NEGR1: variants seen among roughly 807,000 people sequenced by gnomAD.
NEGR1 encodes IgLON family member 4.
A neutral mutation model predicts 40.9 loss-of-function variants in NEGR1; 10 were observed. That is an observed-to-expected ratio of 0.24 (90% CI 0.15 to 0.42). The LOEUF (loss-of-function observed/expected upper bound fraction) is 0.42, where lower values mean the gene tolerates loss of function less well. Among genes scored for constraint, NEGR1 ranks in the 10% least tolerant of loss-of-function variants. The pLI, the probability that NEGR1 is intolerant of heterozygous loss-of-function variation, is 1.00. For missense variants in NEGR1, 352 were observed against 438.9 expected, an observed-to-expected ratio of 0.80 and a Z score of 1.77; for synonymous variants, 185 against 166.8, an observed-to-expected ratio of 1.11 and a Z score of -0.84.
chr1:71,735,281 C>G (rs2101669177), intron 3 of NEGR1, among the ~76,000 whole-genome samples: 1 of 152,212 alleles, frequency 6.6e-6, no homozygotes, highest in Non-Finnish European at 1.5e-5. Flanking sequence ...AATTTTATCA[C>G]TATCCCAAAC....
chr1:71,697,167 A>G (rs1391016724), intron 4 of NEGR1, among the ~76,000 whole-genome samples: 1 of 151,880 alleles, frequency 6.6e-6, no homozygotes, highest in African/African-American at 2.4e-5. Flanking sequence ...CCACGTGCAC[A>G]TTATTAGCAA....
At chr1:72,213,310 T>C (rs934784258) in intron 1 of NEGR1, among the ~76,000 whole-genome samples, 5 of 151,996 alleles carry the variant, frequency 3.3e-5, no homozygotes, top group African/African-American at 1.2e-4. Context: ...TGTAAAACTT[T>C]TGCAAAATGG....
chr1:71,984,576 C>A (rs775865391), intron 1 of NEGR1, among the ~76,000 whole-genome samples: 1 of 152,008 alleles, frequency 6.6e-6, no homozygotes, highest in South Asian at 2.1e-4. Context: ...AATTTTGGGG[C>A]CTTTGGCAAA....
chr1:71,960,776 T>G (rs1214994652), intron 1 of NEGR1, among the ~76,000 whole-genome samples: 1 of 152,180 alleles, frequency 6.6e-6, no homozygotes, highest in African/African-American at 2.4e-5. Context: ...AAATCTAATT[T>G]TGGTTAATTT....
At chr1:72,099,967 C>T (rs1327674989) in intron 1 of NEGR1, among the ~76,000 whole-genome samples, 3 of 151,680 alleles carry the variant, frequency 2.0e-5, no homozygotes, top group Non-Finnish European at 4.4e-5. Flanking sequence ...TTATATTTAA[C>T]CATTGCATGA....
chr1:71,997,621 T>A (rs1646516506), intron 1 of NEGR1, among the ~76,000 whole-genome samples: 1 of 151,954 alleles, frequency 6.6e-6, no homozygotes, highest in South Asian at 2.1e-4. Context: ...ATTTTTTGTG[T>A]CTCCCTGAGA....
At chr1:71,974,022 G>T (rs146514600) in intron 1 of NEGR1, among the ~76,000 whole-genome samples, 129 of 152,118 alleles carry the variant, frequency 8.5e-4, no homozygotes, top group African/African-American at 3.0e-3. Context: ...GAGGAATTCA[G>T]CTCTTTACAG....
At chr1:72,086,451 A>G (rs1041977239) in intron 1 of NEGR1, among the ~76,000 whole-genome samples, 13 of 152,238 alleles carry the variant, frequency 8.5e-5, no homozygotes, top group Non-Finnish European at 1.6e-4. Flanking sequence ...AGAACAAAAG[A>G]AAAAGGTAAA....
At chr1:71,974,028 T>C (rs946429226) in intron 1 of NEGR1, among the ~76,000 whole-genome samples, 3 of 152,212 alleles carry the variant, frequency 2.0e-5, no homozygotes, top group African/African-American at 7.2e-5. Context: ...TTCAGCTCTT[T>C]ACAGAATTCA....
intron 1 of NEGR1, among the ~76,000 whole-genome samples, chr1:72,127,088 C>T (rs1650049186): frequency 6.6e-6 from 1 of 152,084 alleles, no homozygotes; most frequent in Non-Finnish European, 1.5e-5. Context: ...AGGAAAATTG[C>T]CCCACAACAG....
intron 1 of NEGR1, among the ~76,000 whole-genome samples, chr1:72,009,164 T>C (rs1007792263): frequency 6.6e-6 from 1 of 152,090 alleles, no homozygotes; most frequent in Non-Finnish European, 1.5e-5. Flanking sequence ...TTTTATATGA[T>C]ATCATCATGT....
At chr1:72,091,552 T>A (rs1328226024) in intron 1 of NEGR1, among the ~76,000 whole-genome samples, 1 of 151,856 alleles carries the variant, frequency 6.6e-6, no homozygotes, top group Non-Finnish European at 1.5e-5. Context: ...AATGAATACA[T>A]ACTTATCCAT....
intron 1 of NEGR1, among the ~76,000 whole-genome samples, chr1:72,017,188 C>T (rs1297319414): frequency 2.7e-5 from 4 of 150,834 alleles, no homozygotes; most frequent in Non-Finnish European, 5.9e-5. Flanking sequence ...GAATATATAA[C>T]ATGAGTAGAT....
intron 2 of NEGR1, among the ~76,000 whole-genome samples, chr1:71,918,750 A>G (rs1661676202): frequency 6.6e-6 from 1 of 151,932 alleles, no homozygotes; most frequent in African/African-American, 2.4e-5. Flanking sequence ...TGTTATCCTG[A>G]CATTTCATTC....
intron 6 of NEGR1, among the ~76,000 whole-genome samples, chr1:71,590,715 A>G (rs1649469358): frequency 6.6e-6 from 1 of 152,188 alleles, no homozygotes; most frequent in Non-Finnish European, 1.5e-5. Context: ...TATATAAAAA[A>G]TAAGAATAGG....
chr1:72,092,990 C>T (rs1334274120), intron 1 of NEGR1, among the ~76,000 whole-genome samples: 1 of 151,978 alleles, frequency 6.6e-6, no homozygotes, highest in Non-Finnish European at 1.5e-5. Flanking sequence ...TCTAATTTTA[C>T]TTTGAATATT....
intron 4 of NEGR1, among the ~76,000 whole-genome samples, chr1:71,642,432 G>C (rs1006477146): frequency 1.3e-5 from 2 of 151,636 alleles, no homozygotes; most frequent in Non-Finnish European, 2.9e-5. Flanking sequence ...GAGTGGGAGA[G>C]AGAAAAAATT....
chr1:71,694,550 T>C (rs1026985105), intron 4 of NEGR1, among the ~76,000 whole-genome samples: 10 of 151,758 alleles, frequency 6.6e-5, no homozygotes, highest in African/African-American at 2.2e-4. Flanking sequence ...GTCAATTATA[T>C]AGTCAATTAT....
chr1:72,101,401 T>G (rs1308893707), intron 1 of NEGR1, among the ~76,000 whole-genome samples: 1 of 152,136 alleles, frequency 6.6e-6, no homozygotes. Flanking sequence ...GGAATGCTTT[T>G]AAAATATTGT....
Sources: allele counts gnomAD v4.1 joint callset (sites outside exome capture counted in the v4.1 genomes callset), GRCh38; gene constraint gnomAD v4.1.1; transcripts MANE v1.5; gene names NCBI Gene and HGNC (gene_info 2026-07-23, HGNC 2026-07-21).